The following CHAF1A variants were observed in gnomAD, a reference collection of about 807,000 sequenced individuals.
The protein encoded by CHAF1A is CAF-1 subunit A.
CHAF1A carries 5 observed loss-of-function variants against 93.2 expected under a neutral mutation model. The observed-to-expected ratio is 0.05, with a 90% CI of 0.03 to 0.11. CHAF1A has a LOEUF of 0.11. Ranked by LOEUF, CHAF1A falls within the 10% of genes least tolerant of loss-of-function variation. The pLI, the probability that CHAF1A is intolerant of heterozygous loss-of-function variation, is 1.00. For missense variants in CHAF1A, 1,102 were observed against 1,259.9 expected, an observed-to-expected ratio of 0.87 and a Z score of 1.90; for synonymous variants, 504 against 510.3, an observed-to-expected ratio of 0.99 and a Z score of 0.17.
chr19:4,435,820 G>T (rs1459962340), intron 13 of CHAF1A, among the ~76,000 whole-genome samples: 2 of 152,196 alleles, frequency 1.3e-5, no homozygotes, highest in Non-Finnish European at 2.9e-5. Context: ...CCCGGCCCCA[G>T]CTTGCATCCT....
intron 11 of CHAF1A, 152 bp downstream of exon 11, chr19:4,430,793 A>T: frequency 1.4e-6 from 1 of 740,490 alleles, no homozygotes; most frequent in Non-Finnish European, 2.2e-6. Flanking sequence ...TCGTGGGAAC[A>T]GCTGGGCCTG....
Position 4,409,298 on chromosome 19 carries a change from G to C in CHAF1A, c.499G>C (p.Asp167His). ...QQGLLKAIQNDKLAFPGETLS... is the reference protein window; with the variant it reads ...QQGLLKAIQNHKLAFPGETLS... ...GGGGTTGTTGAAGGCCATTCAGAACGACAAGTTGGCATTTCCTGGAGAGAC... is the reference window on the plus strand; with the variant it reads ...GGGGTTGTTGAAGGCCATTCAGAACCACAAGTTGGCATTTCCTGGAGAGAC... The change falls in exon 3 of 15, where the codon GAC (aspartate) becomes CAC (histidine). Residue 167 changes from aspartate to histidine, a missense_variant. Transcript: ENST00000301280. 1 of 1,614,118 alleles carries C rather than the reference G, an allele frequency of 6.2e-7. No individual in the cohort carries two copies. Among genetic ancestry groups the C allele is most frequent in the African/African-American group, 1.3e-5 (1 of 75,030 alleles).
chr19:4,445,144 A>C, downstream of CHAF1A: 1 of 262,910 alleles, frequency 3.8e-6, no homozygotes, highest in Non-Finnish European at 7.4e-6. Flanking sequence ...ACTGCCACCC[A>C]CGGCACACGG....
chr19:4,417,486 A>C (rs1973915178), intron 3 of CHAF1A, among the ~76,000 whole-genome samples: 1 of 125,174 alleles, frequency 8.0e-6, no homozygotes, highest in Admixed American at 9.0e-5. Flanking sequence ...TTTAAGACAG[A>C]GTCTCACCCT....
intron 7 of CHAF1A, among the ~76,000 whole-genome samples, chr19:4,428,211 C>T (rs1247254376): frequency 6.7e-6 from 1 of 150,222 alleles, no homozygotes; most frequent in Non-Finnish European, 1.5e-5. Context: ...AGGCTGGTCT[C>T]GAACTCCTGA....
In CHAF1A at chr19:4,420,958, G is replaced by A. The variant is rs1041279539; in HGVS notation, c.1018-1608G>A. Among the ~76,000 whole-genome samples, 4 of 152,174 alleles carry A rather than the reference G, an allele frequency of 2.6e-5. 1 individual carries two copies. Among genetic ancestry groups the A allele is most frequent in the African/African-American group, 9.7e-5 (4 of 41,448 alleles). On this transcript the variant is annotated intron_variant, in intron 4 of 14. Transcript: ENST00000301280. The stretch of plus-strand genomic sequence containing the variant: ...AGGTGCCTGTGGTCCCAGCTACTCG[G>A]GAGGCTGAGGCAGGAGGACTGATTT...
intron 3 of CHAF1A, among the ~76,000 whole-genome samples, chr19:4,410,406 A>G (rs1396776903): frequency 6.9e-6 from 1 of 145,416 alleles, no homozygotes; most frequent in Non-Finnish European, 1.5e-5. Context: ...TTTTTTTGAC[A>G]GAGTCACTCT....
intron 8 of CHAF1A, 142 bp from the exon 9 acceptor site, chr19:4,429,296 C>A: frequency 1.0e-6 from 1 of 961,828 alleles, no homozygotes; most frequent in East Asian, 2.6e-5. Flanking sequence ...CCTGACCTTT[C>A]TTTGGGGACA....
rs769702995 is a variant in CHAF1A, at chr19:4,409,102, T to C, written c.303T>C (p.Phe101=). The change falls in exon 3 of 15, where the codon TTT becomes TTC. Residue 101 remains phenylalanine, a synonymous_variant. Transcript: ENST00000301280. ...LVNGKGPLDN[F]LRNRIETSIG... ...ACGGGAAGGGTCCCTTAGATAACTT[T>C]TTAAGAAATAGAATCGAAACCAGTA... The C allele has an allele frequency of 9.3e-6, 15 of 1,614,046 alleles. No individual in the cohort carries two copies. Among genetic ancestry groups the C allele is most frequent in the Middle Eastern group, 3.3e-4 (2 of 6,084 alleles).
chr19:4,447,755 G>A, downstream of CHAF1A: 1 of 897,364 alleles, frequency 1.1e-6, no homozygotes, highest in South Asian at 1.4e-5. Context: ...GCGGCCCAGT[G>A]ACGCGAGGGC....
chr19:4,427,132 C>T (rs1974097323), intron 7 of CHAF1A, among the ~76,000 whole-genome samples: 1 of 65,004 alleles, frequency 1.5e-5, no homozygotes, highest in Admixed American at 2.3e-4. Flanking sequence ...AAAAAAGACC[C>T]TGTCTTTTTT....
In CHAF1A at chr19:4,408,952, T is replaced by C. The variant is rs749870729; in HGVS notation, c.153T>C (p.Asp51=). Residue 51 remains aspartate, a synonymous_variant, in exon 3 of 15, where the codon GAT becomes GAC. Coordinates refer to ENST00000301280, the MANE Select transcript of CHAF1A (RefSeq NM_005483.3). The stretch of plus-strand genomic sequence containing the variant: ...ATCTTGTCCCAAAGGGGAAAGCCGA[T>C]GACATGTCAGACGATCAGGGTACTT... The part of the protein sequence containing the change: ...RLNLVPKGKA[D]DMSDDQGTSV... 6.2e-7 allele frequency: 1 copy of C among 1,613,490 alleles called. No individual in the cohort carries two copies. Among genetic ancestry groups the C allele is most frequent in the Non-Finnish European group, 8.5e-7 (1 of 1,179,866 alleles).
At chr19:4,414,634 A>T (rs533479450) in intron 3 of CHAF1A, among the ~76,000 whole-genome samples, 1 of 152,120 alleles carries the variant, frequency 6.6e-6, no homozygotes, top group Non-Finnish European at 1.5e-5. Flanking sequence ...GGATGGAAAG[A>T]TGGAGCTCTT....
Position 4,433,289 on chromosome 19 carries a change from A to T in CHAF1A, c.2423A>T (p.Tyr808Phe). The T allele has an allele frequency of 6.2e-7, 1 of 1,614,168 alleles. No individual in the cohort carries two copies. The highest frequency in any genetic ancestry group is 8.5e-7 in the Non-Finnish European group (1 of 1,180,024). Residue 808 changes from tyrosine to phenylalanine, a missense_variant, in exon 13 of 15, where the codon TAT (tyrosine) becomes TTT (phenylalanine). Transcript: ENST00000301280. The surrounding 1 kb of genome is among the most constrained non-coding windows in gnomAD (Gnocchi z 5.6). ...LKRLISENSVYEKRPDFRMCW... is the reference protein window; with the variant it reads ...LKRLISENSVFEKRPDFRMCW... ...CGGCTCATTTCCGAGAACTCAGTGTATGAGAAGCGGCCTGACTTCAGGATG... is the reference window on the plus strand; with the variant it reads ...CGGCTCATTTCCGAGAACTCAGTGTTTGAGAAGCGGCCTGACTTCAGGATG...
chr19:4,403,720 A>G (rs1379181400), intron 1 of CHAF1A, among the ~76,000 whole-genome samples: 3 of 152,226 alleles, frequency 2.0e-5, no homozygotes, highest in Admixed American at 6.5e-5. Flanking sequence ...TGTGTCCCCT[A>G]TGGGGCAGAT....
chr19:4,423,852 C>G lies in CHAF1A; in HGVS notation c.1355C>G (p.Pro452Arg), dbSNP rs1974034287. Reference protein sequence around the residue: ...KAEITRFFQKPKTPQAPKTLA... With the variant: ...KAEITRFFQKRKTPQAPKTLA... ...GAAATCACGAGGTTCTTCCAGAAAC[C>G]AAAGACTCCACAGGCCCCCAAGGTG... The change falls in exon 7 of 15, where the codon CCA becomes CGA. Residue 452 changes from proline (P) to arginine (R), a missense_variant. Physicochemically the swap from Pro to Arg is moderately radical, Grantham distance 103 (BLOSUM62 -2). Around this residue, in one of 6 missense-constraint regions of CHAF1A, gnomAD observed 165 missense variants for 243.9 expected, o/e 0.68. Coordinates refer to ENST00000301280, the MANE Select transcript of CHAF1A (RefSeq NM_005483.3). The G allele has an allele frequency of 1.9e-6, 3 of 1,614,054 alleles. No individual in the cohort carries two copies. The highest frequency in any genetic ancestry group is 2.5e-6 in the Non-Finnish European group (3 of 1,179,950).
At position 4,423,885 on chromosome 19, in the gene CHAF1A, G is replaced by A. The variant is rs372421597; in HGVS notation, c.1377+11G>A. The A allele has an allele frequency of 8.1e-6, 13 of 1,613,490 alleles. No individual in the cohort carries two copies. Among genetic ancestry groups the A allele is most frequent in the Admixed American group, 5.0e-5 (3 of 59,958 alleles). On this transcript the variant is annotated intron_variant, in intron 7 of 14. Transcript: ENST00000301280. Reference sequence around the variant, plus strand: ...CCACAGGCCCCCAAGGTGAGCAGCCGGCTGCCTTTGCTTTTGGGTTTCAGC... The same window carrying A: ...CCACAGGCCCCCAAGGTGAGCAGCCAGCTGCCTTTGCTTTTGGGTTTCAGC...
At chr19:4,416,503 G>A (rs1029787753) in intron 3 of CHAF1A, among the ~76,000 whole-genome samples, 1 of 152,174 alleles carries the variant, frequency 6.6e-6, no homozygotes, top group Non-Finnish European at 1.5e-5. Flanking sequence ...CAGTTTGAAG[G>A]TAGGTGATAG....
At position 4,409,079 on chromosome 19, in the gene CHAF1A, G is replaced by A. The variant is rs1338255606; in HGVS notation, c.280G>A (p.Gly94Arg). The A allele has an allele frequency of 6.8e-6, 11 of 1,614,062 alleles. No individual in the cohort carries two copies. Among genetic ancestry groups the A allele is most frequent in the East Asian group, 2.2e-5 (1 of 44,888 alleles). The change falls in exon 3 of 15, where the codon GGG (glycine) becomes AGG (arginine). Residue 94 changes from glycine to arginine, a missense_variant. Gly to Arg is a moderately radical substitution (Grantham distance 125). Transcript: ENST00000301280. ...DIDFRPKLVNGKGPLDNFLRN... is the reference protein window; with the variant it reads ...DIDFRPKLVNRKGPLDNFLRN... ...AGACTTTAGACCGAAACTTGTCAAC[G>A]GGAAGGGTCCCTTAGATAACTTTTT...
Sources: gnomAD v4.1 joint callset for allele counts (sites outside exome capture counted in the v4.1 genomes callset) on GRCh38, gnomAD v4.1.1 for gene constraint, gnomAD v4.1.1 regional missense constraint, Gnocchi (gnomAD v3.1) non-coding constraint, MANE v1.5 for transcripts, NCBI Gene and HGNC (gene_info 2026-07-23, HGNC 2026-07-21) for gene names.